CCDC93: variants seen among roughly 807,000 people sequenced by gnomAD.
CCDC93 encodes the protein coiled-coil domain-containing protein 93.
In CCDC93, 61 loss-of-function variants were observed where a neutral mutation model predicts 108.2. That is an observed-to-expected ratio of 0.56 (90% CI 0.46 to 0.70). The LOEUF (loss-of-function observed/expected upper bound fraction) is 0.70, where lower values mean the gene tolerates loss of function less well. Ranked by LOEUF, CCDC93 falls within the 30% of genes least tolerant of loss-of-function variation. CCDC93 has a pLI of 0.00. For missense variants in CCDC93, 685 were observed against 764.2 expected (o/e 0.90, Z 1.22); for synonymous variants, 276 against 260.4 (o/e 1.06, Z -0.58).
chr2:118,002,848 G>A (rs1251551607), intron 3 of CCDC93, among the ~76,000 whole-genome samples: 3 of 152,124 alleles, frequency 2.0e-5, no homozygotes, highest in Non-Finnish European at 4.4e-5. Flanking sequence ...ACCAGCCTGG[G>A]CAACATAGTA....
intron 4 of CCDC93, chr2:117,997,068 G>C (rs574247541): frequency 6.6e-6 from 1 of 152,150 alleles, no homozygotes; most frequent in Non-Finnish European, 1.5e-5. Context: ...TGCAAAGCTG[G>C]GAGTCACAAC....
chr2:117,933,501 G>A (rs2278082), intron 22 of CCDC93, among the ~76,000 whole-genome samples: 55,637 of 151,888 alleles, frequency 0.37, 10,980 homozygotes, highest in African/African-American at 0.49. Flanking sequence ...GAGTGAGGTC[G>A]AAATGCTGAC....
In CCDC93 at chr2:117,919,852, C is replaced by T. The variant is rs1278843201; in HGVS notation, c.*491G>A. ...ATGCCTTCTGTTTACTGAAAAACAT[C>T]TTGGATAGCCCAGTTCTGCGGTCAA... On this transcript the variant is annotated 3_prime_UTR_variant, in exon 24 of 24. Transcript: ENST00000376300. 2 of 152,604 alleles carry T rather than the reference C, an allele frequency of 1.3e-5. No homozygotes were observed. Among genetic ancestry groups the T allele is most frequent in the African/African-American group, 4.8e-5 (2 of 41,438 alleles). 9.5% of individuals were successfully genotyped at this position (152,604 alleles called of 1,614,324 possible). A position where few individuals can be genotyped will look rare whatever the true frequency, so the allele number is the denominator to read the frequency against.
At chr2:117,923,865 T>C (rs1677979686) in intron 23 of CCDC93, among the ~76,000 whole-genome samples, 1 of 151,924 alleles carries the variant, frequency 6.6e-6, no homozygotes, top group Non-Finnish European at 1.5e-5. Flanking sequence ...GTAGCCAAAC[T>C]GGGAGGCACA....
chr2:117,986,080 G>C lies in CCDC93; in HGVS notation c.520-11C>G. On this transcript the variant is annotated splice_polypyrimidine_tract_variant and intron_variant, in intron 6 of 23. Transcript: ENST00000376300. ...GGGCTTGTACACTTCCTAAGTGGATGAGACAGCCAAGTTACTGAGTGTGAG... is the reference window on the plus strand; with the variant it reads ...GGGCTTGTACACTTCCTAAGTGGATCAGACAGCCAAGTTACTGAGTGTGAG... 1 of 1,563,502 alleles carries C rather than the reference G, an allele frequency of 6.4e-7. No homozygotes were observed. The highest frequency in any genetic ancestry group is 1.4e-5 in the African/African-American group (1 of 73,720).
chr2:117,972,868 C>T (rs1679808071), intron 11 of CCDC93, among the ~76,000 whole-genome samples: 1 of 152,136 alleles, frequency 6.6e-6, no homozygotes, highest in South Asian at 2.1e-4. Context: ...AAAGACAGGA[C>T]ACTCTGGATT....
chr2:118,009,937 G>A (rs1253820320), intron 1 of CCDC93, among the ~76,000 whole-genome samples: 1 of 150,814 alleles, frequency 6.6e-6, no homozygotes, highest in Admixed American at 6.6e-5. Context: ...TTTTGTTTTT[G>A]TTTTTGAGAC....
Position 117,983,547 on chromosome 2 carries a change from AATG to A in CCDC93, c.620+2419_620+2421del, listed in dbSNP as rs796740291. ...TGAAAACTGAACTGTTGCTGCTAAT[AATG>A]ATGATTATAATAAGGAGAATGATGA... On this transcript the variant is annotated intron_variant, in intron 7 of 23. Coordinates refer to ENST00000376300, the MANE Select transcript of CCDC93 (RefSeq NM_019044.5). Among the ~76,000 whole-genome samples, 68 of 152,134 alleles carry A rather than the reference AATG, an allele frequency of 4.5e-4. No homozygotes were observed. In the East Asian group the frequency reaches 0.012, roughly 27 times the overall value.
chr2:117,961,642 G>A (rs1478307891), intron 11 of CCDC93, among the ~76,000 whole-genome samples: 1 of 152,144 alleles, frequency 6.6e-6, no homozygotes, highest in African/African-American at 2.4e-5. Flanking sequence ...GATGAAGACA[G>A]GAACAGGTCC....
chr2:117,931,149 A>G lies in CCDC93; in HGVS notation c.1730T>C (p.Met577Thr), dbSNP rs1678313601. The change falls in exon 23 of 24, where the codon ATG (methionine) becomes ACG (threonine). Residue 577 changes from methionine to threonine, a missense_variant and splice_region_variant. Met to Thr is a moderately conservative substitution (Grantham distance 81). Transcript: ENST00000376300. ...TTTGTTCTCTTGCTTTTTCTTTTCCATCTGTTGAAACATTGTGGGAAATGG... is the reference window on the plus strand; with the variant it reads ...TTTGTTCTCTTGCTTTTTCTTTTCCGTCTGTTGAAACATTGTGGGAAATGG... ...VEGIKQSRMK[M>T]EKKKQENKMR... 1.9e-6 allele frequency: 3 copies of G among 1,608,102 alleles called. No individual in the cohort carries two copies. Among genetic ancestry groups the G allele is most frequent in the Non-Finnish European group, 2.6e-6 (3 of 1,174,892 alleles).
chr2:117,926,651 C>A (rs1399318681), intron 23 of CCDC93, among the ~76,000 whole-genome samples: 1 of 152,134 alleles, frequency 6.6e-6, no homozygotes, highest in African/African-American at 2.4e-5. Context: ...AAAAAAAGTC[C>A]AGGACCAGAT....
intron 23 of CCDC93, among the ~76,000 whole-genome samples, chr2:117,922,841 C>G (rs911558431): frequency 1.3e-5 from 2 of 152,082 alleles, no homozygotes; most frequent in Non-Finnish European, 2.9e-5. Flanking sequence ...ACTAGTCTGG[C>G]TGAAGATATG....
intron 5 of CCDC93, 97 bp from the exon 6 acceptor site, chr2:117,995,599 A>G: frequency 4.3e-6 from 4 of 940,210 alleles, no homozygotes; most frequent in Non-Finnish European, 5.1e-6. Context: ...TTCTCATCTC[A>G]TCACTACTTT....
intron 6 of CCDC93, among the ~76,000 whole-genome samples, chr2:117,989,235 C>A (rs1008912362): frequency 1.3e-5 from 2 of 152,158 alleles, no homozygotes; most frequent in East Asian, 1.9e-4. Context: ...GCCACTGGGG[C>A]TCTTCATAGG....
intron 23 of CCDC93, among the ~76,000 whole-genome samples, chr2:117,927,097 C>G (rs1310452220): frequency 6.6e-6 from 1 of 152,068 alleles, no homozygotes; most frequent in Non-Finnish European, 1.5e-5. Context: ...TCTCAATAAA[C>G]TAGGTATTGA....
rs776750546 is a variant in CCDC93, at chr2:117,995,408, G to C, written c.519+38C>G. ...TTAACAAAGGGCTATCTGAGGCTACGCAGGACTCTGACAGAAGAATACGGC... is the reference window on the plus strand; with the variant it reads ...TTAACAAAGGGCTATCTGAGGCTACCCAGGACTCTGACAGAAGAATACGGC... On this transcript the variant is annotated intron_variant, in intron 6 of 23. Coordinates refer to ENST00000376300, the MANE Select transcript of CCDC93 (RefSeq NM_019044.5). The C allele has an allele frequency of 2.0e-6, 3 of 1,500,670 alleles. No homozygotes were observed. In the African/African-American group the frequency reaches 4.1e-5, roughly 21 times the overall value. The allele number at this position is 1,500,670 out of a possible 1,614,324, so 93.0% of individuals were successfully genotyped here. A position where few individuals can be genotyped will look rare whatever the true frequency, so the allele number is the denominator to read the frequency against.
At chr2:118,010,370 T>G (rs1278945157) in intron 1 of CCDC93, among the ~76,000 whole-genome samples, 1 of 152,212 alleles carries the variant, frequency 6.6e-6, no homozygotes, top group Non-Finnish European at 1.5e-5. Context: ...TTTACTATCA[T>G]GAACTACCTT....
At chr2:117,988,005 G>A (rs368344610) in intron 6 of CCDC93, among the ~76,000 whole-genome samples, 16 of 152,036 alleles carry the variant, frequency 1.1e-4, no homozygotes, top group South Asian at 8.3e-4. Context: ...GGCAGTAAGC[G>A]ATAAAAACAG....
chr2:118,013,828 T>G (rs1396518282), intron 1 of CCDC93, 126 bp downstream of exon 1: 1 of 804,912 alleles, frequency 1.2e-6, no homozygotes, highest in Non-Finnish European at 1.9e-6. Context: ...TTCCCTGAGG[T>G]GGATACGCCT....
Sources: gnomAD v4.1 joint callset for allele counts (sites outside exome capture counted in the v4.1 genomes callset) on GRCh38, gnomAD v4.1.1 for gene constraint, MANE v1.5 for transcripts, NCBI Gene and HGNC (gene_info 2026-07-23, HGNC 2026-07-21) for gene names.